The following HPCAL1 variants were observed in gnomAD, a reference collection of about 807,000 sequenced individuals.
HPCAL1 encodes the protein hippocalcin-like protein 1.
In HPCAL1, 8 loss-of-function variants were observed where a neutral mutation model predicts 17.1. The observed-to-expected ratio is 0.47, with a 90% confidence interval of 0.27 to 0.84. The LOEUF is 0.84. HPCAL1 is among the 40% of genes least tolerant of loss of function. HPCAL1 has a pLI of 0.13. For synonymous variants in HPCAL1, 112 were observed against 111.4 expected (o/e 1.01, Z -0.03); for missense variants, 165 against 271.1 (o/e 0.61, Z 2.75).
At chr2:10,386,021 A>G (rs1668288146) in intron 1 of HPCAL1, among the ~76,000 whole-genome samples, 1 of 152,120 alleles carries the variant, frequency 6.6e-6, no homozygotes, top group Admixed American at 6.5e-5. Context: ...TTAGAATATT[A>G]ATGTCGATAA....
At chr2:10,372,533 G>C (rs559707534) in intron 1 of HPCAL1, among the ~76,000 whole-genome samples, 1 of 152,134 alleles carries the variant, frequency 6.6e-6, no homozygotes, top group African/African-American at 2.4e-5. Flanking sequence ...ACAGGCGAGC[G>C]TATGGCTGTG....
chr2:10,310,815 G>A lies in HPCAL1; in HGVS notation c.-111+7638G>A, dbSNP rs1662908195. The stretch of plus-strand genomic sequence containing the variant: ...TGTACAGCAGTGTGTATCGACTGCA[G>A]CGCTCTTTTTCTCTAGCAGCAAAAT... On this transcript the variant is annotated intron_variant, in intron 1 of 4. Transcript: ENST00000307845. This position sits in a 1 kb window ranked among gnomAD's most constrained non-coding sequence, Gnocchi z 4.5. 6.6e-6 allele frequency among the ~76,000 whole-genome samples: 1 copy of A among 152,130 alleles called. No homozygotes were observed. The highest frequency in any genetic ancestry group is 1.5e-5 in the Non-Finnish European group (1 of 68,026).
chr2:10,406,532 ACT>A (rs1669980555), intron 2 of HPCAL1, among the ~76,000 whole-genome samples: 1 of 152,136 alleles, frequency 6.6e-6, no homozygotes, highest in South Asian at 2.1e-4. Context: ...CAGAGACTCC[ACT>A]CTCACTTCAG....
chr2:10,306,005 C>T (rs1316643433), intron 1 of HPCAL1, among the ~76,000 whole-genome samples: 1 of 152,228 alleles, frequency 6.6e-6, no homozygotes, highest in Non-Finnish European at 1.5e-5. Context: ...GAGTGTGCGT[C>T]AGAGCAGTTG....
chr2:10,308,959 TA>T (rs1662790481), intron 1 of HPCAL1, among the ~76,000 whole-genome samples: 1 of 152,154 alleles, frequency 6.6e-6, no homozygotes, highest in Admixed American at 6.5e-5. Context: ...TTCCAGCTAC[TA>T]GGGGGTGCTG....
chr2:10,420,168 G>A (rs778815085), intron 3 of HPCAL1, 33 bp downstream of exon 3: 1 of 1,570,668 alleles, frequency 6.4e-7, no homozygotes, highest in South Asian at 1.2e-5. Context: ...GTCTCACCGC[G>A]GGCCCAGGTC....
At chr2:10,308,731 A>G (rs1662776497) in intron 1 of HPCAL1, among the ~76,000 whole-genome samples, 1 of 152,136 alleles carries the variant, frequency 6.6e-6, no homozygotes, top group African/African-American at 2.4e-5. Flanking sequence ...TGTTCCTCAC[A>G]TTTCTTTTGT....
rs1662863232 is a variant in HPCAL1 at position 10,310,176 on chromosome 2, T to C, written c.-111+6999T>C. Among the ~76,000 whole-genome samples, 1 of 152,122 alleles carries C rather than the reference T, an allele frequency of 6.6e-6. No homozygotes were observed. Among genetic ancestry groups the C allele is most frequent in the South Asian group, 2.1e-4 (1 of 4,828 alleles). ...CAGATGTGGCAGACTGGGTTTGAAC[T>C]GTAGTCTTTGCTCTGTTTACTGGCT... On this transcript the variant is annotated intron_variant, in intron 1 of 4. Transcript: ENST00000307845. This position sits in a 1 kb window ranked among gnomAD's most constrained non-coding sequence, Gnocchi z 4.5.
chr2:10,325,875 G>T (rs1663977781), intron 1 of HPCAL1, among the ~76,000 whole-genome samples: 1 of 152,238 alleles, frequency 6.6e-6, no homozygotes, highest in South Asian at 2.1e-4. Flanking sequence ...TTTCCTTGCT[G>T]CATGGGAGCC....
chr2:10,304,486 C>T lies in HPCAL1; in HGVS notation c.-111+1309C>T, dbSNP rs1461255198. Among the ~76,000 whole-genome samples, 1 of 152,190 alleles carries T rather than the reference C, an allele frequency of 6.6e-6. No individual in the cohort carries two copies. Among genetic ancestry groups the T allele is most frequent in the Non-Finnish European group, 1.5e-5 (1 of 68,036 alleles). On this transcript the variant is annotated intron_variant, in intron 1 of 4. Transcript: ENST00000307845. This position sits in a 1 kb window ranked among gnomAD's most constrained non-coding sequence, Gnocchi z 4.1. ...TGCTGGCCTCGGCATTAGACAACCC[C>T]CAGCCCCAGCCCCTGCCATCCCTGC... is the stretch of plus-strand genomic sequence containing the variant.
At position 10,330,462 on chromosome 2, in the gene HPCAL1, T is replaced by C. The variant is rs1322991222; in HGVS notation, c.-111+27285T>C. On this transcript the variant is annotated intron_variant, in intron 1 of 4. Coordinates refer to ENST00000307845, the MANE Select transcript of HPCAL1 (RefSeq NM_002149.4). The surrounding 1 kb of genome is among the most constrained non-coding windows in gnomAD (Gnocchi z 4.2). The stretch of plus-strand genomic sequence containing the variant: ...GAAACGGGGTCATAGTCTGGGTGCC[T>C]TAAACAACAGGAATTCTTTTTTTTT... Among the ~76,000 whole-genome samples the C allele has an allele frequency of 6.7e-6, 1 of 149,708 alleles. No individual in the cohort carries two copies. The highest frequency in any genetic ancestry group is 1.5e-5 in the Non-Finnish European group (1 of 67,486).
chr2:10,393,959 G>GAAAAAA (rs34916252), intron 1 of HPCAL1, among the ~76,000 whole-genome samples: 1 of 129,790 alleles, frequency 7.7e-6, no homozygotes, highest in Non-Finnish European at 1.6e-5. Flanking sequence ...TACTAAAAAT[G>GAAAAAA]AAAAAAAAAA....
rs965591740 is a variant in HPCAL1 at position 10,354,667 on chromosome 2, GA to G, written c.-110-42166del. Among the ~76,000 whole-genome samples the G allele has an allele frequency of 6.6e-6, 1 of 152,202 alleles. No individual in the cohort carries two copies. The highest frequency in any genetic ancestry group is 2.4e-5 in the African/African-American group (1 of 41,454). ...GTCCGACGCACTGAGGCAGAGACAG[GA>G]ATTTTAACTACTCAAAAACTACTGT... On this transcript the variant is annotated intron_variant, in intron 1 of 4. Transcript: ENST00000307845. The surrounding 1 kb of genome is among the most constrained non-coding windows in gnomAD (Gnocchi z 5.1).
rs1666839413 is a variant in HPCAL1 at position 10,366,174 on chromosome 2, C to T, written c.-110-30661C>T. ...AGCACCGGGCACCAGGGCTCAAGGT[C>T]AGTGGGTGTGTCTTTGGGTCCCTTA... On this transcript the variant is annotated intron_variant, in intron 1 of 4. Transcript: ENST00000307845. 1.3e-5 allele frequency among the ~76,000 whole-genome samples: 2 copies of T among 152,196 alleles called. 1 individual carries two copies. Among genetic ancestry groups the T allele is most frequent in the African/African-American group, 4.8e-5 (2 of 41,452 alleles).
At chr2:10,313,527 A>T (rs1430511546) in intron 1 of HPCAL1, among the ~76,000 whole-genome samples, 2 of 152,188 alleles carry the variant, frequency 1.3e-5, no homozygotes, top group African/African-American at 4.8e-5. Flanking sequence ...GTTTGTAGTC[A>T]ATTGGTGAGA....
At chr2:10,378,423 G>A (rs1450345235) in intron 1 of HPCAL1, among the ~76,000 whole-genome samples, 1 of 151,958 alleles carries the variant, frequency 6.6e-6, no homozygotes, top group East Asian at 1.9e-4. Flanking sequence ...GGACCGGGCC[G>A]CCTAAATGCA....
chr2:10,391,198 TG>T (rs1668670321), intron 1 of HPCAL1, among the ~76,000 whole-genome samples: 1 of 151,810 alleles, frequency 6.6e-6, no homozygotes, highest in African/African-American at 2.4e-5. Flanking sequence ...AGCACCTTCC[TG>T]GGGGCCCAGT....
Position 10,420,063 on chromosome 2 carries a change from G to C in HPCAL1, c.306G>C (p.Lys102Asn), listed in dbSNP as rs1324184481. The C allele has an allele frequency of 6.2e-7, 1 of 1,613,864 alleles. No homozygotes were observed. ...GGGGCAAGCTGGAGCAGAAGCTCAA[G>C]TGGGCCTTCAGCATGTACGACCTGG... is the stretch of plus-strand genomic sequence containing the variant. ...TSRGKLEQKL[K>N]WAFSMYDLDG... The change falls in exon 3 of 5, where the codon AAG (lysine) becomes AAC (asparagine). Residue 102 changes from lysine to asparagine, a missense_variant. Physicochemically the swap from Lys to Asn is moderately conservative, Grantham distance 94. Coordinates refer to ENST00000307845, the MANE Select transcript of HPCAL1 (RefSeq NM_002149.4).
chr2:10,402,707 T>C (rs946095568), intron 2 of HPCAL1, among the ~76,000 whole-genome samples: 1 of 152,084 alleles, frequency 6.6e-6, no homozygotes, highest in Non-Finnish European at 1.5e-5. Flanking sequence ...CATGTGATGA[T>C]TCACTGGAGG....
Sources: allele counts gnomAD v4.1 joint callset (sites outside exome capture counted in the v4.1 genomes callset), GRCh38; gene constraint gnomAD v4.1.1; non-coding constraint Gnocchi (gnomAD v3.1); transcripts MANE v1.5; gene names NCBI Gene and HGNC (gene_info 2026-07-23, HGNC 2026-07-21).